The following ASAH1 variants were observed in gnomAD, a reference collection of about 807,000 sequenced individuals.
ASAH1 encodes the protein N-acylsphingosine amidohydrolase 1, also known as acid ceramidase.
ASAH1 carries 70 observed loss-of-function variants against 59.5 expected under a neutral mutation model. The ratio of observed to expected loss-of-function variants is 1.18; its 90% CI spans 0.97 to 1.43. The LOEUF is 1.43. Among genes scored for constraint, ASAH1 ranks in the 40% most tolerant of loss-of-function variants. ASAH1 has a pLI of 0.00. For missense variants in ASAH1, 660 were observed against 482.5 expected, an observed-to-expected ratio of 1.37 and a Z score of -3.45; for synonymous variants, 213 against 166.5, an observed-to-expected ratio of 1.28 and a Z score of -2.15.
At chr8:18,075,611 T>G in intron 1 of ASAH1, 24 bp from the exon 2 acceptor site, 2 of 1,612,910 alleles carry the variant, frequency 1.2e-6, no homozygotes, top group Non-Finnish European at 1.7e-6. Context: ...AAAATTAAGT[T>G]TCAGAAAATA....
At chr8:18,059,052 A>G in intron 12 of ASAH1, 161 bp from the exon 13 acceptor site, 2 of 711,118 alleles carry the variant, frequency 2.8e-6, no homozygotes, top group East Asian at 2.7e-5. Context: ...AACACAGGTA[A>G]CAGTTTTAAT....
chr8:18,061,941 A>G, intron 8 of ASAH1: 1 of 648,084 alleles, frequency 1.5e-6, no homozygotes, highest in Non-Finnish European at 2.7e-6. Context: ...GTGGGGTATC[A>G]CTGGCAACGC....
chr8:18,067,197 T>A (rs2117046999), intron 5 of ASAH1, 23 bp downstream of exon 5: 5 of 1,577,520 alleles, frequency 3.2e-6, no homozygotes, highest in African/African-American at 1.4e-5. Flanking sequence ...CTTTTTTTTT[T>A]AAAGCTTCTA....
upstream of ASAH1, chr8:18,084,448 C>G (rs1264582818): frequency 7.3e-7 from 1 of 1,361,472 alleles, no homozygotes; most frequent in African/African-American, 1.5e-5. Flanking sequence ...GCGGGTGCAG[C>G]CTGTCCCGCG....
At chr8:18,081,349 T>C (rs1800645068) in intron 1 of ASAH1, among the ~76,000 whole-genome samples, 1 of 152,128 alleles carries the variant, frequency 6.6e-6, no homozygotes, top group South Asian at 2.1e-4. Context: ...TCTGGACTAG[T>C]CTCCTCATAT....
intron 4 of ASAH1, chr8:18,069,573 T>G (rs4921566): frequency 4.1e-6 from 2 of 491,012 alleles, no homozygotes; most frequent in Admixed American, 3.5e-5. Context: ...AATGTCGTAA[T>G]GTAGTCCCAT....
At chr8:18,059,989 T>C (rs2117020162) in intron 10 of ASAH1, 1 of 354,384 alleles carries the variant, frequency 2.8e-6, no homozygotes, top group Non-Finnish European at 5.4e-6. Flanking sequence ...GTTCACGTGT[T>C]CTCTTTGTTC....
At chr8:18,071,150 C>T (rs950750906) in intron 3 of ASAH1, 150 bp downstream of exon 3, 18 of 288,936 alleles carry the variant, frequency 6.2e-5, no homozygotes, top group Admixed American at 1.6e-4. Context: ...GAGGTTGCGG[C>T]GAGCTGAGAT....
chr8:18,062,998 T>A (rs1799771854), intron 7 of ASAH1, 187 bp downstream of exon 7: 2 of 584,836 alleles, frequency 3.4e-6, no homozygotes, highest in African/African-American at 3.8e-5. Context: ...GGCTCCCAAG[T>A]AGCCGGGATT....
At chr8:18,074,933 C>A (rs893771653) in intron 2 of ASAH1, among the ~76,000 whole-genome samples, 1 of 151,974 alleles carries the variant, frequency 6.6e-6, no homozygotes, top group South Asian at 2.1e-4. Context: ...ACAGCCCTTA[C>A]ATTTGTCAAA....
At chr8:18,077,087 T>G (rs1440933669) in intron 1 of ASAH1, among the ~76,000 whole-genome samples, 3 of 152,194 alleles carry the variant, frequency 2.0e-5, no homozygotes, top group Non-Finnish European at 4.4e-5. Flanking sequence ...ACTGCAAAAC[T>G]TTACAGCTAG....
upstream of ASAH1, chr8:18,084,859 A>C (rs998324037): frequency 2.1e-4 from 329 of 1,601,548 alleles, no homozygotes; most frequent in Non-Finnish European, 2.6e-4. Flanking sequence ...AGCAGAGCTC[A>C]GCTTGGGAGG....
chr8:18,070,500 T>C (rs60896389), intron 3 of ASAH1, among the ~76,000 whole-genome samples: 64,973 of 151,540 alleles, frequency 0.43, 14,752 homozygotes, highest in Admixed American at 0.53. Context: ...GCCAGGCTGG[T>C]CTTGAACTTC....
In ASAH1 at chr8:18,084,050, G is replaced by A. The variant is rs764051518; in HGVS notation, c.9C>T (p.Gly3=). The A allele has an allele frequency of 2.3e-5, 37 of 1,598,582 alleles. No individual in the cohort carries two copies. In the Admixed American group the frequency reaches 4.5e-4, roughly 19 times the overall value. ...GGAGGACTAAGGCGACGCAACTCCG[G>A]CCCGGCATCGCTCTAGCAGCCAACG... MP[G]RSCVALVLLA... Residue 3 remains glycine, a synonymous_variant, in exon 1 of 14, where the codon GGC becomes GGT. Transcript: ENST00000637790.
rs1321464241 is a variant in ASAH1, at chr8:18,056,542, A to G, written c.*992T>C. ...AAACGGTCTTGCACAAATGACGTACATTTCACAGTTAATCGTGAAGGTTAG... is the reference window on the plus strand; with the variant it reads ...AAACGGTCTTGCACAAATGACGTACGTTTCACAGTTAATCGTGAAGGTTAG... On this transcript the variant is annotated 3_prime_UTR_variant, in exon 14 of 14. Transcript: ENST00000637790. The G allele has an allele frequency of 6.6e-6, 1 of 152,258 alleles. No homozygotes were observed. Among genetic ancestry groups the G allele is most frequent in the African/African-American group, 2.4e-5 (1 of 41,470 alleles). 9.4% of individuals were successfully genotyped at this position (152,258 alleles called of 1,614,324 possible).
intron 4 of ASAH1, chr8:18,069,505 C>A: frequency 6.1e-6 from 2 of 325,210 alleles, no homozygotes; most frequent in South Asian, 3.3e-5. Flanking sequence ...CAATAGTGAA[C>A]TCACTACATA....
chr8:18,069,012 G>A (rs1030121661), intron 4 of ASAH1, among the ~76,000 whole-genome samples: 6 of 151,970 alleles, frequency 3.9e-5, no homozygotes, highest in East Asian at 3.9e-4. Context: ...GTGGCGGCAC[G>A]TGACTGTAGT....
chr8:18,063,470 CTTTT>C (rs376358665), intron 6 of ASAH1: 1 of 290,652 alleles, frequency 3.4e-6, no homozygotes, highest in Non-Finnish European at 6.3e-6. Flanking sequence ...CACCTGGCTA[CTTTT>C]TTTTTTTTTT....
rs115756271 is a variant in ASAH1 at position 18,062,599 on chromosome 8, G to C, written c.504-176C>G. 1,439 of 700,090 alleles carry C rather than the reference G, an allele frequency of 2.1e-3. 18 individuals are homozygous for C. In the African/African-American group the frequency reaches 0.024, roughly 12 times the overall value. The allele number at this position is 700,090 out of a possible 1,614,324, so 43.4% of individuals were successfully genotyped here. A position where few individuals can be genotyped will look rare whatever the true frequency, so the allele number is the denominator to read the frequency against. On this transcript the variant is annotated intron_variant, in intron 7 of 13. Transcript: ENST00000637790. ...CTGTTTTCCAAATGATAAAATTGAG[G>C]TTCAGAGAAGTCAGGTAACTCTCTC...
Sources: gnomAD v4.1 joint callset for allele counts (sites outside exome capture counted in the v4.1 genomes callset) on GRCh38, gnomAD v4.1.1 for gene constraint, MANE v1.5 for transcripts, NCBI Gene and HGNC (gene_info 2026-07-23, HGNC 2026-07-21) for gene names.